LRTM2: variants seen among roughly 807,000 people sequenced by gnomAD.
LRTM2 encodes the protein leucine-rich repeat and transmembrane domain-containing protein 2.
Under a neutral mutation model 28.1 loss-of-function variants are expected in LRTM2, and 18 were observed. That is an observed-to-expected ratio of 0.64 (90% CI 0.44 to 0.95). The LOEUF (loss-of-function observed/expected upper bound fraction) is 0.95, where lower values mean the gene tolerates loss of function less well. LRTM2 is among the 40% of genes least tolerant of loss of function. The probability of loss-of-function intolerance (pLI) is 0.00; values close to 1 mark genes in which losing one functional copy is unlikely to be tolerated. For missense variants in LRTM2, 436 were observed against 497.2 expected, an observed-to-expected ratio of 0.88 and a Z score of 1.17; for synonymous variants, 250 against 218.7, an observed-to-expected ratio of 1.14 and a Z score of -1.26.
At position 1,833,212 on chromosome 12, in the gene LRTM2, C is replaced by T. The variant is rs543331066; in HGVS notation, c.659-1055C>T. Among the ~76,000 whole-genome samples the T allele has an allele frequency of 1.4e-4, 21 of 152,294 alleles. No homozygotes were observed. In the East Asian group the frequency reaches 3.9e-3, roughly 28 times the overall value. On this transcript the variant is annotated intron_variant, in intron 4 of 4. Transcript: ENST00000299194. This position sits in a 1 kb window ranked among gnomAD's most constrained non-coding sequence, Gnocchi z 4.2. ...CGGCATCCCAGGGAAAGATTGATGC[C>T]TATTGTATGAGGAGACTTGCGGCAG...
chr12:1,825,327 G>A (rs868734454), intron 1 of LRTM2, among the ~76,000 whole-genome samples: 1 of 152,226 alleles, frequency 6.6e-6, no homozygotes, highest in South Asian at 2.1e-4. Context: ...GGGTGGGAGG[G>A]CTTCTCCACT....
Position 1,835,666 on chromosome 12 carries a change from C to T in LRTM2, c.*945C>T, listed in dbSNP as rs1239252898. 1.3e-5 allele frequency: 2 copies of T among 152,718 alleles called. No homozygotes were observed. The highest frequency in any genetic ancestry group is 2.9e-5 in the Non-Finnish European group (2 of 68,108). The allele number at this position is 152,718 out of a possible 1,614,324, so 9.5% of individuals were successfully genotyped here. A position where few individuals can be genotyped will look rare whatever the true frequency, so the allele number is the denominator to read the frequency against. ...AGGAGCCCTCCTGTCACCATGGTAA[C>T]CCTCTCACACCTCTCCTGCTGGGCT... On this transcript the variant is annotated 3_prime_UTR_variant, in exon 5 of 5. Transcript: ENST00000299194.
intron 1 of LRTM2, chr12:1,823,278 G>A (rs1178205611): frequency 1.3e-5 from 2 of 152,436 alleles, no homozygotes; most frequent in Non-Finnish European, 2.9e-5. Context: ...CAGGTCTGTG[G>A]TGAGTGTGCT....
At position 1,831,276 on chromosome 12, in the gene LRTM2, C is replaced by T. The variant is rs140500468; in HGVS notation, c.409C>T (p.Arg137Trp). The change falls in exon 4 of 5, where the codon CGG becomes TGG. Residue 137 changes from arginine to tryptophan, a missense_variant. Physicochemically the swap from Arg to Trp is moderately radical, Grantham distance 101. Coordinates refer to ENST00000299194, the MANE Select transcript of LRTM2 (RefSeq NM_001039029.3). Reference sequence around the variant, plus strand: ...CAGGACCCTGGACAGGGACCTGCTGCGGCACTCGCCGCTGCTCCGCCACCT... The same window carrying T: ...CAGGACCCTGGACAGGGACCTGCTGTGGCACTCGCCGCTGCTCCGCCACCT... ...SIRTLDRDLLRHSPLLRHLDL... is the reference protein window; with the variant it reads ...SIRTLDRDLLWHSPLLRHLDL... 200 of 1,613,588 alleles carry T rather than the reference C, an allele frequency of 1.2e-4. No individual in the cohort carries two copies. Among genetic ancestry groups the T allele is most frequent in the Non-Finnish European group, 1.6e-4 (191 of 1,180,038 alleles).
chr12:1,824,391 C>T (rs556386934), intron 1 of LRTM2, among the ~76,000 whole-genome samples: 1 of 152,298 alleles, frequency 6.6e-6, no homozygotes, highest in Non-Finnish European at 1.5e-5. Context: ...CAATGGTCTA[C>T]ACTCAAAGCC....
At chr12:1,832,494 G>T (rs1461141598) in intron 4 of LRTM2, among the ~76,000 whole-genome samples, 1 of 152,220 alleles carries the variant, frequency 6.6e-6, no homozygotes, top group Non-Finnish European at 1.5e-5. Flanking sequence ...GATGCTCAAT[G>T]AATGTTTGCT....
rs1864598990 is a variant in LRTM2 at position 1,830,993 on chromosome 12, C to T, written c.126C>T (p.Ser42=). 1 of 1,614,048 alleles carries T rather than the reference C, an allele frequency of 6.2e-7. No homozygotes were observed. The change falls in exon 4 of 5, where the codon TCC becomes TCT. Residue 42 remains serine (S), a synonymous_variant. Coordinates refer to ENST00000299194, the MANE Select transcript of LRTM2 (RefSeq NM_001039029.3). Reference sequence around the variant, plus strand: ...AGGCCCTCCCCACCTGCCCTTTCTCCTGCAAGTGTGACAGCCGCAGCCTGG... The same window carrying T: ...AGGCCCTCCCCACCTGCCCTTTCTCTTGCAAGTGTGACAGCCGCAGCCTGG... ...AVEALPTCPF[S]CKCDSRSLEV...
rs146537358 is a variant in LRTM2 at position 1,834,566 on chromosome 12, G to A, written c.958G>A (p.Val320Ile). ...TVIIAGVVCG[V>I]VCIMMVVAAA... ...GATCATTGCAGGGGTCGTGTGCGGC[G>A]TCGTCTGCATCATGATGGTGGTGGC... Residue 320 changes from valine to isoleucine, a missense_variant, in exon 5 of 5, where the codon GTC (valine) becomes ATC (isoleucine). Physicochemically the swap from Val to Ile is conservative, Grantham distance 29. Coordinates refer to ENST00000299194, the MANE Select transcript of LRTM2 (RefSeq NM_001039029.3). This position sits in a 1 kb window ranked among gnomAD's most constrained non-coding sequence, Gnocchi z 7.6. 223 of 1,601,832 alleles carry A rather than the reference G, an allele frequency of 1.4e-4. No individual in the cohort carries two copies. Among genetic ancestry groups the A allele is most frequent in the Non-Finnish European group, 8.8e-5 (104 of 1,179,924 alleles).
chr12:1,826,929 T>C (rs1308343327), intron 1 of LRTM2, among the ~76,000 whole-genome samples: 1 of 152,228 alleles, frequency 6.6e-6, no homozygotes, highest in Admixed American at 6.5e-5. Context: ...CCTGTCTTTT[T>C]CACTCTGATA....
chr12:1,822,862 T>C (rs1023956560), intron 1 of LRTM2, among the ~76,000 whole-genome samples: 22 of 152,240 alleles, frequency 1.4e-4, no homozygotes, highest in African/African-American at 4.8e-4. Context: ...CCTGGCCACA[T>C]GGAATCTCGG....
chr12:1,825,686 C>T (rs1864284837), intron 1 of LRTM2, among the ~76,000 whole-genome samples: 1 of 152,180 alleles, frequency 6.6e-6, no homozygotes, highest in African/African-American at 2.4e-5. Flanking sequence ...GCATCACGTG[C>T]TGTGTACAGA....
intron 1 of LRTM2, among the ~76,000 whole-genome samples, chr12:1,821,885 G>A (rs1391708877): frequency 6.6e-6 from 1 of 152,126 alleles, no homozygotes; most frequent in Non-Finnish European, 1.5e-5. Flanking sequence ...CCGGCTGTCA[G>A]GGCTACTTGG....
chr12:1,825,109 C>T (rs1477939379), intron 1 of LRTM2, among the ~76,000 whole-genome samples: 1 of 152,208 alleles, frequency 6.6e-6, no homozygotes, highest in Non-Finnish European at 1.5e-5. Flanking sequence ...TGGGGACTTG[C>T]CGGACTTGTG....
Position 1,834,267 on chromosome 12 carries a change from G to C in LRTM2, c.659G>C (p.Gly220Ala). The C allele has an allele frequency of 2.6e-6, 4 of 1,562,104 alleles. No homozygotes were observed. The highest frequency in any genetic ancestry group is 3.5e-6 in the Non-Finnish European group (4 of 1,151,368). The change falls in exon 5 of 5, where the codon GGG becomes GCG. Residue 220 changes from glycine (G) to alanine (A), a missense_variant and splice_region_variant. By Grantham distance (60) the Gly-to-Ala change is moderately conservative (BLOSUM62 0). Coordinates refer to ENST00000299194, the MANE Select transcript of LRTM2 (RefSeq NM_001039029.3). The surrounding 1 kb of genome is among the most constrained non-coding windows in gnomAD (Gnocchi z 7.6). The stretch of plus-strand genomic sequence containing the variant: ...CCCTCTTTTTCTCTTCTGCATGTAG[G>C]GGGACGCTTGGACCAGCTTGCCTGC... The part of the protein sequence containing the change: ...KHWMEWFSYR[G>A]GRLDQLACTL...
rs945855177 is a variant in LRTM2, at chr12:1,828,239, G to C, written c.67+24G>C. 4 of 1,527,724 alleles carry C rather than the reference G, an allele frequency of 2.6e-6. No homozygotes were observed. In the East Asian group the frequency reaches 7.6e-5, roughly 29 times the overall value. The allele number at this position is 1,527,724 out of a possible 1,614,324, so 94.6% of individuals were successfully genotyped here. Reference sequence around the variant, plus strand: ...CTGTGAGTACACCCCTGGCCTCGGAGGGGGGTGCGGGTTGGGTGGGGGTGC... The same window carrying C: ...CTGTGAGTACACCCCTGGCCTCGGACGGGGGTGCGGGTTGGGTGGGGGTGC... On this transcript the variant is annotated intron_variant, in intron 3 of 4. Transcript: ENST00000299194. The surrounding 1 kb of genome is among the most constrained non-coding windows in gnomAD (Gnocchi z 4.2).
rs1014474586 is a variant in LRTM2 at position 1,828,538 on chromosome 12, C to T, written c.67+323C>T. Among the ~76,000 whole-genome samples, 7 of 152,218 alleles carry T rather than the reference C, an allele frequency of 4.6e-5. No homozygotes were observed. The highest frequency in any genetic ancestry group is 7.3e-5 in the Non-Finnish European group (5 of 68,040). On this transcript the variant is annotated intron_variant, in intron 3 of 4. Transcript: ENST00000299194. This position sits in a 1 kb window ranked among gnomAD's most constrained non-coding sequence, Gnocchi z 4.2. ...GAGAAGAGCTCTGCTGGAATGCAGG[C>T]CTGCTGAGTCTTAAACAGCCTCACT... is the stretch of plus-strand genomic sequence containing the variant.
rs1172419978 is a variant in LRTM2, at chr12:1,828,012, C to G, written c.-73-64C>G. 2.9e-6 allele frequency: 2 copies of G among 682,356 alleles called. No individual in the cohort carries two copies. Among genetic ancestry groups the G allele is most frequent in the Non-Finnish European group, 4.5e-6 (2 of 441,064 alleles). The allele number at this position is 682,356 out of a possible 1,614,324, so 42.3% of individuals were successfully genotyped here. On this transcript the variant is annotated intron_variant, in intron 2 of 4. Transcript: ENST00000299194. This position sits in a 1 kb window ranked among gnomAD's most constrained non-coding sequence, Gnocchi z 4.2. Reference sequence around the variant, plus strand: ...GTAAAGAGACACCCGGGCCCTCTCCCTAACCCCTGGGCTGGAACGGGGCTC... The same window carrying G: ...GTAAAGAGACACCCGGGCCCTCTCCGTAACCCCTGGGCTGGAACGGGGCTC...
chr12:1,827,977 C>G (rs1486344513), intron 2 of LRTM2, 99 bp from the exon 3 acceptor site: 5 of 474,652 alleles, frequency 1.1e-5, no homozygotes, highest in Non-Finnish European at 1.8e-5. Flanking sequence ...CAGGAGAGGG[C>G]ATGAGGAGTG....
intron 1 of LRTM2, among the ~76,000 whole-genome samples, chr12:1,825,726 T>G (rs1340505509): frequency 6.6e-6 from 1 of 152,202 alleles, no homozygotes; most frequent in African/African-American, 2.4e-5. Flanking sequence ...GAGGCCTGTG[T>G]GTGTGCCCTG....
Sources: gnomAD v4.1 joint callset for allele counts (sites outside exome capture counted in the v4.1 genomes callset) on GRCh38, gnomAD v4.1.1 for gene constraint, Gnocchi (gnomAD v3.1) non-coding constraint, MANE v1.5 for transcripts, NCBI Gene and HGNC (gene_info 2026-07-23, HGNC 2026-07-21) for gene names.